The following LRFN5 variants were observed in gnomAD, a reference collection of about 807,000 sequenced individuals.
LRFN5 encodes the protein leucine-rich repeat and fibronectin type-III domain-containing protein 5.
LRFN5 carries 24 observed loss-of-function variants against 45.6 expected under a neutral mutation model. The observed-to-expected ratio is 0.53, with a 90% CI of 0.38 to 0.74. The LOEUF (loss-of-function observed/expected upper bound fraction) is 0.74. Among genes scored for constraint, LRFN5 ranks in the 30% least tolerant of loss-of-function variants. The pLI, the probability that LRFN5 is intolerant of heterozygous loss-of-function variation, is 0.00. For missense variants in LRFN5, 776 were observed against 861.5 expected (o/e 0.90, Z 1.24); for synonymous variants, 340 against 313.8 (o/e 1.08, Z -0.88).
intron 4 of LRFN5, chr14:41,894,670 G>A (rs901387073): frequency 5.1e-6 from 5 of 984,984 alleles, no homozygotes; most frequent in Non-Finnish European, 6.0e-6. Context: ...GAAAAGGTGG[G>A]AATGATATTA....
At chr14:41,690,508 T>A (rs1882332069) in intron 1 of LRFN5, among the ~76,000 whole-genome samples, 1 of 152,084 alleles carries the variant, frequency 6.6e-6, no homozygotes, top group Admixed American at 6.5e-5. Flanking sequence ...TGAGCTGAGA[T>A]CTCACTACTG....
intron 2 of LRFN5, among the ~76,000 whole-genome samples, chr14:41,779,190 G>T (rs745558198): frequency 2.6e-5 from 4 of 151,688 alleles, no homozygotes; most frequent in Non-Finnish European, 5.9e-5. Context: ...AGTTGGCTGA[G>T]AATTTTTATT....
rs539714698 is a variant in LRFN5, at chr14:41,673,384, G to T, written c.-197+64822G>T. On this transcript the variant is annotated intron_variant, in intron 1 of 5. Coordinates refer to ENST00000298119, the MANE Select transcript of LRFN5 (RefSeq NM_152447.5). ...CCCTCCCGGACGGGGCGGCTGGCCG[G>T]GCAGGGGGCTGACCCGCCCCCCACC... Among the ~76,000 whole-genome samples the T allele has an allele frequency of 3.2e-3, 470 of 145,560 alleles. 5 individuals carry two copies. The highest frequency in any genetic ancestry group is 0.012 in the African/African-American group (450 of 36,754).
At chr14:41,704,454 G>C (rs1315561666) in intron 1 of LRFN5, among the ~76,000 whole-genome samples, 2 of 147,014 alleles carry the variant, frequency 1.4e-5, no homozygotes, top group African/African-American at 5.3e-5. Context: ...CTCTCTGTGT[G>C]TGTGTGTCTG....
chr14:41,670,262 T>G (rs1191848775), intron 1 of LRFN5, among the ~76,000 whole-genome samples: 18 of 11,372 alleles, frequency 1.6e-3, no homozygotes, highest in Admixed American at 0.011. Context: ...CACAGATATA[T>G]ATATATATAT....
intron 1 of LRFN5, among the ~76,000 whole-genome samples, chr14:41,654,562 G>A (rs566912203): frequency 2.0e-5 from 3 of 152,028 alleles, no homozygotes; most frequent in Non-Finnish European, 4.4e-5. Context: ...GGAGCAGAAG[G>A]AGGTCTCAGT....
chr14:41,812,185 A>G (rs1183775501), intron 2 of LRFN5, among the ~76,000 whole-genome samples: 1 of 152,094 alleles, frequency 6.6e-6, no homozygotes, highest in East Asian at 1.9e-4. Flanking sequence ...ACACAAATCC[A>G]TATGTACTTG....
chr14:41,782,796 A>C (rs1886575448), intron 2 of LRFN5, among the ~76,000 whole-genome samples: 1 of 152,104 alleles, frequency 6.6e-6, no homozygotes, highest in Admixed American at 6.6e-5. Flanking sequence ...TCTCATCAGA[A>C]AGAGACTGTG....
At chr14:41,833,845 T>C (rs1888569326) in intron 2 of LRFN5, among the ~76,000 whole-genome samples, 1 of 152,192 alleles carries the variant, frequency 6.6e-6, no homozygotes, top group Non-Finnish European at 1.5e-5. Context: ...CAAATTAGTC[T>C]CTTTCTTTTG....
At chr14:41,693,012 C>CT (rs763536093) in intron 1 of LRFN5, among the ~76,000 whole-genome samples, 35 of 151,980 alleles carry the variant, frequency 2.3e-4, no homozygotes, top group Non-Finnish European at 3.7e-4. Context: ...CATTCAGTTG[C>CT]TTTTTTAACT....
intron 1 of LRFN5, among the ~76,000 whole-genome samples, chr14:41,636,894 A>AC (rs1172004569): frequency 3.3e-5 from 5 of 152,106 alleles, no homozygotes; most frequent in Non-Finnish European, 5.9e-5. Context: ...GAGCTGTGGG[A>AC]CCCCCCTAGA....
At chr14:41,868,210 T>A (rs1889902868) in intron 2 of LRFN5, among the ~76,000 whole-genome samples, 1 of 152,126 alleles carries the variant, frequency 6.6e-6, no homozygotes, top group South Asian at 2.1e-4. Flanking sequence ...AATTAACTTT[T>A]CTTTACTTTT....
chr14:41,808,933 C>A (rs935477866), intron 2 of LRFN5, among the ~76,000 whole-genome samples: 3 of 152,026 alleles, frequency 2.0e-5, no homozygotes, highest in Non-Finnish European at 4.4e-5. Context: ...AGGCACTTTA[C>A]TTGATCAGTT....
At chr14:41,856,672 A>ATTTTTTTTTTTTTTTTTTTTTTTTTTTTT (rs1889465921) in intron 2 of LRFN5, among the ~76,000 whole-genome samples, 1 of 5,984 alleles carries the variant, frequency 1.7e-4, no homozygotes, top group Non-Finnish European at 6.2e-4. Flanking sequence ...TATTATTATT[A>ATTTTTTTTTTTTTTTTTTTTTTTTTTTTT]TTATTTTTTT....
chr14:41,830,727 C>T (rs1888449117), intron 2 of LRFN5, among the ~76,000 whole-genome samples: 1 of 152,046 alleles, frequency 6.6e-6, no homozygotes, highest in African/African-American at 2.4e-5. Context: ...AGAGGGGAAC[C>T]ATAAAGGGAA....
intron 1 of LRFN5, among the ~76,000 whole-genome samples, chr14:41,665,299 GA>G (rs551562568): frequency 3.4e-4 from 52 of 151,128 alleles, no homozygotes; most frequent in Non-Finnish European, 4.9e-4. Context: ...AGAAAACAAA[GA>G]AAAAAAAGAG....
At chr14:41,699,306 C>T (rs1056226029) in intron 1 of LRFN5, 3 of 152,078 alleles carry the variant, frequency 2.0e-5, no homozygotes, top group African/African-American at 7.2e-5. Context: ...GGAGCTGGAA[C>T]CTAGTTATCG....
chr14:41,622,255 C>T (rs1338942251), intron 1 of LRFN5, among the ~76,000 whole-genome samples: 1 of 151,776 alleles, frequency 6.6e-6, no homozygotes, highest in African/African-American at 2.4e-5. Flanking sequence ...ATTAGTGTTT[C>T]CTGCTTTAAG....
intron 2 of LRFN5, among the ~76,000 whole-genome samples, chr14:41,794,108 C>A (rs1441649108): frequency 6.6e-6 from 1 of 151,898 alleles, no homozygotes; most frequent in Non-Finnish European, 1.5e-5. Context: ...AATATGACTC[C>A]CACAAATGAT....
Sources: allele counts gnomAD v4.1 joint callset (sites outside exome capture counted in the v4.1 genomes callset), GRCh38; gene constraint gnomAD v4.1.1; transcripts MANE v1.5; gene names NCBI Gene and HGNC (gene_info 2026-07-23, HGNC 2026-07-21).